NR3C2: variants seen among roughly 807,000 people sequenced by gnomAD.
The protein encoded by NR3C2 is mineralocorticoid receptor.
NR3C2 carries 15 observed loss-of-function variants against 86.4 expected under a neutral mutation model. That is an observed-to-expected ratio of 0.17 (90% confidence interval 0.12 to 0.27). The LOEUF (loss-of-function observed/expected upper bound fraction) is 0.27, where lower values mean the gene tolerates loss of function less well. Among genes scored for constraint, NR3C2 ranks in the 10% least tolerant of loss-of-function variants. The pLI is 1.00. For missense variants in NR3C2, 960 were observed against 1,195.6 expected (o/e 0.80, Z 2.91); for synonymous variants, 458 against 450.5 (o/e 1.02, Z -0.21).
intron 3 of NR3C2, chr4:148,207,960 T>C (rs1240721713): frequency 3.3e-5 from 5 of 152,242 alleles, no homozygotes; most frequent in Non-Finnish European, 7.3e-5. Context: ...CTTCTCATAA[T>C]ATCTTATTAT....
intron 8 of NR3C2, among the ~76,000 whole-genome samples, chr4:148,089,573 A>G (rs1730970917): frequency 6.6e-6 from 1 of 152,234 alleles, no homozygotes. Flanking sequence ...TATGGAACAC[A>G]GTTTGTGAAA....
rs1329620195 is a variant in NR3C2, at chr4:148,402,415, A to G, written c.1757+32689T>C. ...GGATATAATGAAATATCTGACCCAG[A>G]TATGTCTTGTTATATTCAAATCAAG... On this transcript the variant is annotated intron_variant, in intron 2 of 8. Transcript: ENST00000358102. Among the ~76,000 whole-genome samples the G allele has an allele frequency of 5.9e-5, 9 of 152,208 alleles. No homozygotes were observed. In the East Asian group the frequency reaches 1.5e-3, roughly 26 times the overall value.
At chr4:148,442,737 C>A, upstream of NR3C2, 1 of 985,418 alleles carries the variant, frequency 1.0e-6, no homozygotes, top group Non-Finnish European at 1.2e-6. Flanking sequence ...GCCGCAGCCG[C>A]GGCGGGAGCT....
intron 4 of NR3C2, among the ~76,000 whole-genome samples, chr4:148,186,246 A>T (rs1735885181): frequency 6.6e-6 from 1 of 152,130 alleles, no homozygotes; most frequent in African/African-American, 2.4e-5. Flanking sequence ...TGTTTCAAGA[A>T]CCAATTGTAT....
intron 3 of NR3C2, 106 bp from the exon 4 acceptor site, chr4:148,194,968 C>G: frequency 1.1e-6 from 1 of 873,152 alleles, no homozygotes; most frequent in Non-Finnish European, 1.8e-6. Flanking sequence ...CTTGAAATCT[C>G]TTTCTCAAAA....
At chr4:148,272,456 C>G (rs1740735532) in intron 2 of NR3C2, among the ~76,000 whole-genome samples, 1 of 152,002 alleles carries the variant, frequency 6.6e-6, no homozygotes, top group Admixed American at 6.6e-5. Flanking sequence ...ATTATTTAAG[C>G]CTGTGGTGTG....
At chr4:148,444,455 C>T (rs1029583184), upstream of NR3C2, 4 of 985,784 alleles carry the variant, frequency 4.1e-6, no homozygotes, top group East Asian at 1.1e-4. Flanking sequence ...CTGCCTTGCC[C>T]GGGGCCGCCC....
intron 7 of NR3C2, among the ~76,000 whole-genome samples, chr4:148,115,979 C>T (rs1232116252): frequency 1.3e-5 from 2 of 151,944 alleles, no homozygotes; most frequent in Admixed American, 1.3e-4. Context: ...CAATTTCTAC[C>T]AAAATTTTAA....
At chr4:148,261,195 A>ACTATGGTAAGCG (rs1179110748) in intron 2 of NR3C2, among the ~76,000 whole-genome samples, 1 of 151,954 alleles carries the variant, frequency 6.6e-6, no homozygotes, top group Non-Finnish European at 1.5e-5. Context: ...GCTATGGTGC[A>ACTATGGTAAGCG]CTATGGTAAG....
At chr4:148,131,749 C>G (rs1476950479) in intron 6 of NR3C2, among the ~76,000 whole-genome samples, 2 of 152,206 alleles carry the variant, frequency 1.3e-5, no homozygotes, top group African/African-American at 4.8e-5. Context: ...AACATTCATC[C>G]ATTCTCTCTT....
chr4:148,444,230 C>G (rs906445001), upstream of NR3C2: 8 of 947,800 alleles, frequency 8.4e-6, no homozygotes, highest in Non-Finnish European at 9.8e-6. Context: ...GGACGTGTCT[C>G]TTTTACTAAG....
intron 6 of NR3C2, among the ~76,000 whole-genome samples, chr4:148,144,175 C>T (rs1160570316): frequency 6.6e-6 from 1 of 152,104 alleles, no homozygotes; most frequent in Non-Finnish European, 1.5e-5. Flanking sequence ...CCTCCTCTCA[C>T]TTCCTCTGCT....
At chr4:148,440,816 C>T (rs886181095) in intron 1 of NR3C2, among the ~76,000 whole-genome samples, 4 of 152,154 alleles carry the variant, frequency 2.6e-5, no homozygotes, top group Admixed American at 1.3e-4. Context: ...AACAAAGATC[C>T]TTGCGAATTT....
chr4:148,361,537 A>T (rs1579205479), intron 2 of NR3C2, among the ~76,000 whole-genome samples: 1 of 152,230 alleles, frequency 6.6e-6, no homozygotes, highest in South Asian at 2.1e-4. Context: ...CTCCTCCAAC[A>T]TTATGTCATT....
At chr4:148,150,179 G>GT (rs1734041955) in intron 6 of NR3C2, among the ~76,000 whole-genome samples, 1 of 152,308 alleles carries the variant, frequency 6.6e-6, no homozygotes, top group African/African-American at 2.4e-5. Flanking sequence ...AATATTTGCT[G>GT]TAGTCATGTT....
At chr4:148,388,040 C>T (rs1253573051) in intron 2 of NR3C2, among the ~76,000 whole-genome samples, 1 of 152,120 alleles carries the variant, frequency 6.6e-6, no homozygotes, top group African/African-American at 2.4e-5. Context: ...CTTGAGCTAC[C>T]CAAGAATTCT....
At chr4:148,416,729 C>T (rs1749020413) in intron 2 of NR3C2, among the ~76,000 whole-genome samples, 1 of 152,134 alleles carries the variant, frequency 6.6e-6, no homozygotes, top group African/African-American at 2.4e-5. Flanking sequence ...TATTTAGTAG[C>T]ATGATTAAAC....
Position 148,174,641 on chromosome 4 carries a change from A to T in NR3C2, c.2015-19740T>A, listed in dbSNP as rs527543585. Among the ~76,000 whole-genome samples, 33 of 152,278 alleles carry T rather than the reference A, an allele frequency of 2.2e-4. No individual in the cohort carries two copies. In the South Asian group the frequency reaches 6.6e-3, roughly 31 times the overall value. On this transcript the variant is annotated intron_variant, in intron 4 of 8. Transcript: ENST00000358102. Reference sequence around the variant, plus strand: ...CTCTGCGTCTCCCCAGGGGGTATAAATGTCTACATGCGTCCAGGGTCTGAG... The same window carrying T: ...CTCTGCGTCTCCCCAGGGGGTATAATTGTCTACATGCGTCCAGGGTCTGAG...
rs542397506 is a variant in NR3C2, at chr4:148,177,712, C to T, written c.2014+17034G>A. On this transcript the variant is annotated intron_variant, in intron 4 of 8. Coordinates refer to ENST00000358102, the MANE Select transcript of NR3C2 (RefSeq NM_000901.5). Reference sequence around the variant, plus strand: ...CAAGCAGATACTTTACCTAGGATGGCTGATCATCCCTTTCTGAGATGACTG... The same window carrying T: ...CAAGCAGATACTTTACCTAGGATGGTTGATCATCCCTTTCTGAGATGACTG... 9.9e-4 allele frequency among the ~76,000 whole-genome samples: 151 copies of T among 152,302 alleles called. 1 individual carries two copies. Among genetic ancestry groups the T allele is most frequent in the Non-Finnish European group, 1.7e-3 (118 of 68,024 alleles).
Sources: allele counts gnomAD v4.1 joint callset (sites outside exome capture counted in the v4.1 genomes callset), GRCh38; gene constraint gnomAD v4.1.1; transcripts MANE v1.5; gene names NCBI Gene and HGNC (gene_info 2026-07-23, HGNC 2026-07-21).